The following NUMA1 variants were observed in gnomAD, a reference collection of about 807,000 sequenced individuals.
The protein encoded by NUMA1 is SP-H antigen.
In NUMA1, 62 loss-of-function variants were observed where a neutral mutation model predicts 237.1. That is an observed-to-expected ratio of 0.26 (90% CI 0.21 to 0.32). The LOEUF (loss-of-function observed/expected upper bound fraction) is 0.32, where lower values mean the gene tolerates loss of function less well. NUMA1 is among the 10% of genes least tolerant of loss of function. The probability of loss-of-function intolerance (pLI) is 1.00; values close to 1 mark genes in which losing one functional copy is unlikely to be tolerated. For missense variants in NUMA1, 2,533 were observed against 2,666.5 expected, an observed-to-expected ratio of 0.95 and a Z score of 1.10; for synonymous variants, 1,028 against 1,066.1, an observed-to-expected ratio of 0.96 and a Z score of 0.70.
intron 2 of NUMA1, among the ~76,000 whole-genome samples, chr11:72,047,361 GC>G (rs1363029681): frequency 6.6e-6 from 1 of 152,054 alleles, no homozygotes; most frequent in Non-Finnish European, 1.5e-5. Context: ...GGTGGTGTGT[GC>G]CTGTAGTCCT....
At chr11:72,026,645 T>A (rs1939628423) in intron 4 of NUMA1, among the ~76,000 whole-genome samples, 1 of 152,182 alleles carries the variant, frequency 6.6e-6, no homozygotes, top group Non-Finnish European at 1.5e-5. Flanking sequence ...ACAGCTTATT[T>A]TTTTTTTAAT....
intron 4 of NUMA1, among the ~76,000 whole-genome samples, chr11:72,026,992 T>A (rs886318452): frequency 3.9e-5 from 6 of 152,176 alleles, no homozygotes; most frequent in African/African-American, 1.4e-4. Context: ...GAAGACAACT[T>A]GCAAATGAGC....
At chr11:72,021,134 T>C (rs990933201) in intron 8 of NUMA1, 70 bp downstream of exon 8, 6 of 1,285,328 alleles carry the variant, frequency 4.7e-6, no homozygotes, top group Non-Finnish European at 6.8e-6. Flanking sequence ...CCACCATACT[T>C]GACAACTCAG....
intron 2 of NUMA1, among the ~76,000 whole-genome samples, chr11:72,060,069 C>A (rs943322492): frequency 2.0e-5 from 3 of 152,166 alleles, no homozygotes; most frequent in Non-Finnish European, 4.4e-5. Flanking sequence ...AGTGACACAA[C>A]CAGTAAGTCC....
intron 2 of NUMA1, among the ~76,000 whole-genome samples, chr11:72,059,951 T>C (rs1942854295): frequency 6.6e-6 from 1 of 152,162 alleles, no homozygotes; most frequent in African/African-American, 2.4e-5. Context: ...ATTTATATCT[T>C]ATTTCCAGAA....
intron 20 of NUMA1, 67 bp downstream of exon 20, chr11:72,008,621 T>C: frequency 6.6e-7 from 1 of 1,517,804 alleles, no homozygotes. Flanking sequence ...TTTATCTCAC[T>C]AGGATACAGC....
chr11:72,005,558 A>C (rs1021940306), intron 22 of NUMA1, 189 bp from the exon 23 acceptor site: 19 of 571,574 alleles, frequency 3.3e-5, no homozygotes, highest in Middle Eastern at 4.4e-4. Flanking sequence ...CTTGCTCACC[A>C]CCTTCTCCCT....
At chr11:72,029,982 A>C (rs1167153346) in intron 3 of NUMA1, among the ~76,000 whole-genome samples, 5 of 152,132 alleles carry the variant, frequency 3.3e-5, no homozygotes, top group Non-Finnish European at 7.4e-5. Flanking sequence ...TCCACACATA[A>C]AGCTTTGGCT....
intron 2 of NUMA1, among the ~76,000 whole-genome samples, chr11:72,056,232 G>C (rs1296353543): frequency 6.6e-6 from 1 of 151,954 alleles, no homozygotes; most frequent in South Asian, 2.1e-4. Context: ...GCTAAGGCAG[G>C]AGGATCACTT....
rs142985752 is a variant in NUMA1 at position 72,004,083 on chromosome 11, G to A, written c.6140C>T (p.Ser2047Leu). Residue 2047 changes from serine to leucine, a missense_variant, in exon 26 of 27, where the codon TCG becomes TTG. Physicochemically the swap from Ser to Leu is moderately radical, Grantham distance 145. Coordinates refer to ENST00000393695, the MANE Select transcript of NUMA1 (RefSeq NM_006185.4). ...ASTKQADRRQSMAFSILNTPK... is the reference protein window; with the variant it reads ...ASTKQADRRQLMAFSILNTPK... ...TGTGTTGAGGATGCTGAAGGCCATCGACTGGCGCCGGTCAGCCTGCAAGGA... is the reference window on the plus strand; with the variant it reads ...TGTGTTGAGGATGCTGAAGGCCATCAACTGGCGCCGGTCAGCCTGCAAGGA... 1,983 of 1,612,896 alleles carry A rather than the reference G, an allele frequency of 1.2e-3. 3 individuals carry two copies. The highest frequency in any genetic ancestry group is 1.5e-3 in the Non-Finnish European group (1,743 of 1,179,668).
chr11:72,029,131 G>A (rs957194407), intron 4 of NUMA1, 74 bp downstream of exon 4: 59 of 1,068,570 alleles, frequency 5.5e-5, no homozygotes, highest in Non-Finnish European at 7.6e-5. Context: ...ATCAAGTAAA[G>A]AGAACAAGTA....
Position 72,009,000 on chromosome 11 carries a change from G to A in NUMA1, c.5025C>T (p.His1675=). 3 of 1,613,910 alleles carry A rather than the reference G, an allele frequency of 1.9e-6. No homozygotes were observed. Among genetic ancestry groups the A allele is most frequent in the Non-Finnish European group, 2.5e-6 (3 of 1,180,024 alleles). ...KTKEAEQTCR[H]LTAQVRSLEA... ...CCAGGCTGCGCACCTGGGCAGTAAG[G>A]TGGCGGCAGGTCTGTTCAGCCTCCT... Residue 1675 remains histidine (H), a synonymous_variant, in exon 19 of 27, where the codon CAC becomes CAT. Coordinates refer to ENST00000393695, the MANE Select transcript of NUMA1 (RefSeq NM_006185.4).
In NUMA1 at chr11:72,014,293, A is replaced by G. The variant is rs755770366; in HGVS notation, c.3210T>C (p.Arg1070=). The G allele has an allele frequency of 3.1e-6, 5 of 1,613,940 alleles. No individual in the cohort carries two copies. The Admixed American group carries it at 5.0e-5, about 16-fold the overall frequency. Reference sequence around the variant, plus strand: ...CTTTTATCTGGGCTGCCTCCAGACCACGAAGCTTGGCCAACTCCTGGTCCT... The same window carrying G: ...CTTTTATCTGGGCTGCCTCCAGACCGCGAAGCTTGGCCAACTCCTGGTCCT... ...EGKDQELAKL[R]GLEAAQIKEL... Residue 1070 remains arginine, a synonymous_variant, in exon 15 of 27, where the codon CGT becomes CGC. Transcript: ENST00000393695. The surrounding 1 kb of genome is among the most constrained non-coding windows in gnomAD (Gnocchi z 4.6).
Position 72,015,744 on chromosome 11 carries a change from T to C in NUMA1, c.1759A>G (p.Thr587Ala). The stretch of plus-strand genomic sequence containing the variant: ...GAGGCCTCTCGCTCCTCTGCAGCAG[T>C]GGCCAGTTGCTGGGCATGGTCCTGC... ...TRQDHAQQLA[T>A]AAEEREASLR... The change falls in exon 15 of 27, where the codon ACT (threonine) becomes GCT (alanine). Residue 587 changes from threonine to alanine, a missense_variant. Around this residue, in one of 3 missense-constraint regions of NUMA1, gnomAD observed 1,414 missense variants for 1,508.1 expected, o/e 0.94. Coordinates refer to ENST00000393695, the MANE Select transcript of NUMA1 (RefSeq NM_006185.4). This position sits in a 1 kb window ranked among gnomAD's most constrained non-coding sequence, Gnocchi z 4.0. 1 of 1,614,192 alleles carries C rather than the reference T, an allele frequency of 6.2e-7. No individual in the cohort carries two copies. Among genetic ancestry groups the C allele is most frequent in the Non-Finnish European group, 8.5e-7 (1 of 1,180,038 alleles).
intron 2 of NUMA1, chr11:72,041,827 T>TG (rs1419271385): frequency 6.6e-6 from 1 of 152,410 alleles, no homozygotes; most frequent in African/African-American, 2.4e-5. Flanking sequence ...CCATACCTTC[T>TG]GCGTGGCAAG....
At chr11:72,030,567 C>G (rs1940174057) in intron 3 of NUMA1, among the ~76,000 whole-genome samples, 2 of 152,182 alleles carry the variant, frequency 1.3e-5, no homozygotes, top group African/African-American at 4.8e-5. Flanking sequence ...TGGTCAACCT[C>G]TACAGGAAAA....
Position 72,004,673 on chromosome 11 carries a change from G to T in NUMA1, c.5973C>A (p.Ser1991=). ...ITTRQQRKRV[S]LEPHQGPGTP... is the part of the protein sequence containing the mutation. Reference sequence around the variant, plus strand: ...TTCCAGGGCCCTGGTGGGGCTCTAGGGAGACCCGTTTGCGCTGCTGCCGGG... The same window carrying T: ...TTCCAGGGCCCTGGTGGGGCTCTAGTGAGACCCGTTTGCGCTGCTGCCGGG... The change falls in exon 24 of 27, where the codon TCC becomes TCA. Residue 1991 remains serine (S), a synonymous_variant. Coordinates refer to ENST00000393695, the MANE Select transcript of NUMA1 (RefSeq NM_006185.4). The T allele has an allele frequency of 6.2e-7, 1 of 1,613,322 alleles. No individual in the cohort carries two copies. The highest frequency in any genetic ancestry group is 8.5e-7 in the Non-Finnish European group (1 of 1,179,966).
intron 2 of NUMA1, among the ~76,000 whole-genome samples, chr11:72,064,747 T>A (rs1326961499): frequency 1.3e-5 from 2 of 151,982 alleles, no homozygotes; most frequent in Admixed American, 1.3e-4. Flanking sequence ...GTAGGAGGAT[T>A]GCTTGAGCCC....
At chr11:72,078,539 A>G (rs1374892389) in intron 1 of NUMA1, among the ~76,000 whole-genome samples, 13 of 152,246 alleles carry the variant, frequency 8.5e-5, no homozygotes, top group Admixed American at 8.5e-4. Flanking sequence ...GTCTTATTTC[A>G]AGGCATTCTT....
Sources: gnomAD v4.1 joint callset for allele counts (sites outside exome capture counted in the v4.1 genomes callset) on GRCh38, gnomAD v4.1.1 for gene constraint, gnomAD v4.1.1 regional missense constraint, Gnocchi (gnomAD v3.1) non-coding constraint, MANE v1.5 for transcripts, NCBI Gene and HGNC (gene_info 2026-07-23, HGNC 2026-07-21) for gene names.